The following TNR variants were observed in gnomAD, a reference collection of about 807,000 sequenced individuals.
TNR encodes tenascin R, also known as tenascin-R.
TNR carries 45 observed loss-of-function variants against 150.4 expected under a neutral mutation model. The ratio of observed to expected loss-of-function variants is 0.30; its 90% CI spans 0.24 to 0.38. TNR has a LOEUF of 0.38. Among genes scored for constraint, TNR ranks in the 10% least tolerant of loss-of-function variants. TNR has a pLI of 1.00. For synonymous variants in TNR, 687 were observed against 678.4 expected, an observed-to-expected ratio of 1.01 and a Z score of -0.20; for missense variants, 1,544 against 1,759.1, an observed-to-expected ratio of 0.88 and a Z score of 2.19.
At chr1:175,704,616 A>G (rs975605636) in intron 1 of TNR, among the ~76,000 whole-genome samples, 2 of 152,138 alleles carry the variant, frequency 1.3e-5, no homozygotes, top group African/African-American at 2.4e-5. Flanking sequence ...GCTTTCCCCA[A>G]TGGGGAGGAG....
chr1:175,355,258 T>C (rs907069379), intron 17 of TNR, among the ~76,000 whole-genome samples: 1 of 152,170 alleles, frequency 6.6e-6, no homozygotes, highest in Non-Finnish European at 1.5e-5. Flanking sequence ...GGAGGTTTAG[T>C]CCTTTGCCTC....
chr1:175,544,788 C>A (rs1306926427), intron 1 of TNR, among the ~76,000 whole-genome samples: 1 of 152,136 alleles, frequency 6.6e-6, no homozygotes, highest in African/African-American at 2.4e-5. Flanking sequence ...TATTTTTTCC[C>A]TATCATTGGC....
In TNR at chr1:175,511,514, G is replaced by A. The variant is rs548012145; in HGVS notation, c.-64+16755C>T. 1.7e-4 allele frequency among the ~76,000 whole-genome samples: 26 copies of A among 152,350 alleles called. No homozygotes were observed. In the South Asian group the frequency reaches 4.1e-3, roughly 24 times the overall value. On this transcript the variant is annotated intron_variant, in intron 2 of 22. Coordinates refer to ENST00000367674, the MANE Select transcript of TNR (RefSeq NM_003285.3). ...TACTGCAATTAGAATAAACATTCATGAAAGGTCTCTACATTCCCTCTATGA... is the reference window on the plus strand; with the variant it reads ...TACTGCAATTAGAATAAACATTCATAAAAGGTCTCTACATTCCCTCTATGA...
chr1:175,393,896 C>A lies in TNR; in HGVS notation c.1241-1G>T. On this transcript the variant is annotated splice_acceptor_variant, in intron 5 of 22. Coordinates refer to ENST00000367674, the MANE Select transcript of TNR (RefSeq NM_003285.3). LOFTEE classifies it high-confidence loss of function. ...TGTAGCCCTTGAGGAGTGGAGAGAT[C>A]TGGAACACAGCAATGTAGGTGACAA... is the stretch of plus-strand genomic sequence containing the variant. The A allele has an allele frequency of 6.2e-7, 1 of 1,608,922 alleles. No individual in the cohort carries two copies. Among genetic ancestry groups the A allele is most frequent in the Non-Finnish European group, 8.5e-7 (1 of 1,175,246 alleles).
rs556681311 is a variant in TNR, at chr1:175,419,577, G to A, written c.-63-12800C>T. On this transcript the variant is annotated intron_variant, in intron 2 of 22. Transcript: ENST00000367674. ...GCTCACTGCAACCTCCGCCTCCCGG[G>A]TTCAAGCAATTCTCGTGCCTCAGCC... Among the ~76,000 whole-genome samples the A allele has an allele frequency of 1.5e-4, 23 of 152,238 alleles. No homozygotes were observed. The East Asian group carries it at 4.4e-3, about 29-fold the overall frequency.
chr1:175,729,963 T>C (rs1667591435), intron 1 of TNR, among the ~76,000 whole-genome samples: 1 of 152,188 alleles, frequency 6.6e-6, no homozygotes, highest in African/African-American at 2.4e-5. Flanking sequence ...CCTGTAATTC[T>C]CTGATGAAAG....
intron 15 of TNR, among the ~76,000 whole-genome samples, chr1:175,358,991 A>G (rs1236415375): frequency 1.3e-5 from 2 of 152,056 alleles, no homozygotes; most frequent in East Asian, 1.9e-4. Flanking sequence ...TTTGGGGGCA[A>G]GTCTTAGCTC....
intron 2 of TNR, among the ~76,000 whole-genome samples, chr1:175,409,899 A>G (rs1654134178): frequency 6.6e-6 from 1 of 152,230 alleles, no homozygotes; most frequent in East Asian, 1.9e-4. Context: ...ACAGACAATT[A>G]TATATGTCAT....
intron 1 of TNR, among the ~76,000 whole-genome samples, chr1:175,700,822 G>A (rs992680531): frequency 6.6e-6 from 1 of 152,128 alleles, no homozygotes; most frequent in African/African-American, 2.4e-5. Context: ...CATTCTTCAC[G>A]TCCCACCAGA....
intron 6 of TNR, among the ~76,000 whole-genome samples, chr1:175,393,492 A>G (rs897095110): frequency 2.0e-5 from 3 of 152,200 alleles, no homozygotes; most frequent in Non-Finnish European, 2.9e-5. Context: ...ATGGCTCATC[A>G]GACCCCAGAG....
chr1:175,485,200 T>C (rs998331528), intron 2 of TNR, among the ~76,000 whole-genome samples: 1 of 152,178 alleles, frequency 6.6e-6, no homozygotes, highest in African/African-American at 2.4e-5. Flanking sequence ...TCAGCCCCAG[T>C]CTGCTGGCCA....
chr1:175,525,396 G>T (rs771878905), intron 2 of TNR, among the ~76,000 whole-genome samples: 2 of 152,214 alleles, frequency 1.3e-5, no homozygotes. Context: ...GTTTGGCATA[G>T]AGTCAAACAC....
At chr1:175,696,221 T>TG (rs768291344) in intron 1 of TNR, among the ~76,000 whole-genome samples, 55,799 of 129,488 alleles carry the variant, frequency 0.43, 12,278 homozygotes, top group East Asian at 0.73. Context: ...CCTGTAGTTT[T>TG]TTTTTTTTTT....
chr1:175,697,968 C>T (rs1455400205), intron 1 of TNR, among the ~76,000 whole-genome samples: 1 of 152,214 alleles, frequency 6.6e-6, no homozygotes, highest in Non-Finnish European at 1.5e-5. Context: ...TCATGAGAAC[C>T]TCTCCGACTC....
At chr1:175,368,729 C>T (rs1053368979) in intron 9 of TNR, among the ~76,000 whole-genome samples, 6 of 152,194 alleles carry the variant, frequency 3.9e-5, no homozygotes, top group Non-Finnish European at 8.8e-5. Flanking sequence ...GCGGGTGGAT[C>T]ATCTGAGGTC....
intron 2 of TNR, among the ~76,000 whole-genome samples, chr1:175,439,219 C>T (rs1405272058): frequency 1.8e-4 from 28 of 151,486 alleles, no homozygotes; most frequent in Admixed American, 6.6e-4. Context: ...GAAATAATGC[C>T]GCATATCTAC....
At position 175,523,977 on chromosome 1, in the gene TNR, C is replaced by T. The variant is rs553708823; in HGVS notation, c.-64+4292G>A. Among the ~76,000 whole-genome samples, 173 of 152,292 alleles carry T rather than the reference C, an allele frequency of 1.1e-3. 1 individual carries two copies. The highest frequency in any genetic ancestry group is 1.5e-3 in the South Asian group (7 of 4,814). On this transcript the variant is annotated intron_variant, in intron 2 of 22. Coordinates refer to ENST00000367674, the MANE Select transcript of TNR (RefSeq NM_003285.3). ...CAATGACCTTGCCCATGCTGCTCCT[C>T]CTACTGGACTGGCCTCCCTCTTCTC...
In TNR at chr1:175,365,245, A is replaced by G. The variant is rs780523029; in HGVS notation, c.2352T>C (p.His784=). Residue 784 remains histidine, a synonymous_variant, in exon 12 of 23, where the codon CAT becomes CAC. Coordinates refer to ENST00000367674, the MANE Select transcript of TNR (RefSeq NM_003285.3). The stretch of plus-strand genomic sequence containing the variant: ...TGATGTTCACACTGGAGGAGGTCAC[A>G]TGAGAAAAGTGCAGATGAGAGATGG... ...FRPISHLHFS[H]VTSSSVNITW... is the part of the protein sequence containing the mutation. The G allele has an allele frequency of 1.1e-5, 18 of 1,613,296 alleles. No homozygotes were observed. The highest frequency in any genetic ancestry group is 1.5e-5 in the Non-Finnish European group (18 of 1,179,430).
In TNR at chr1:175,469,514, G is replaced by A. The variant is rs540612087; in HGVS notation, c.-64+58755C>T. Among the ~76,000 whole-genome samples the A allele has an allele frequency of 4.3e-4, 66 of 152,112 alleles. 1 individual carries two copies. In the South Asian group the frequency reaches 0.01, roughly 24 times the overall value. On this transcript the variant is annotated intron_variant, in intron 2 of 22. Transcript: ENST00000367674. ...AGAATAAACAGAAATTTATCAAGCAGGGGACTGAGGTTGGCATGTGGGTTA... is the reference window on the plus strand; with the variant it reads ...AGAATAAACAGAAATTTATCAAGCAAGGGACTGAGGTTGGCATGTGGGTTA...
Sources: allele counts gnomAD v4.1 joint callset (sites outside exome capture counted in the v4.1 genomes callset), GRCh38; gene constraint gnomAD v4.1.1; transcripts MANE v1.5; gene names NCBI Gene and HGNC (gene_info 2026-07-23, HGNC 2026-07-21).